VPS13B: variants seen among roughly 807,000 people sequenced by gnomAD.
The protein encoded by VPS13B is vacuolar protein sorting 13 homolog B, also known as intermembrane lipid transfer protein VPS13B.
VPS13B carries 285 observed loss-of-function variants against 426.4 expected under a neutral mutation model. The observed-to-expected ratio is 0.67, with a 90% confidence interval of 0.61 to 0.74. The LOEUF (loss-of-function observed/expected upper bound fraction) is 0.74. Among genes scored for constraint, VPS13B ranks in the 30% least tolerant of loss-of-function variants. The probability of loss-of-function intolerance (pLI) is 0.00; values close to 1 mark genes in which losing one functional copy is unlikely to be tolerated. For missense variants in VPS13B, 4,537 were observed against 4,782.6 expected (o/e 0.95, Z 1.51); for synonymous variants, 1,676 against 1,676.4 (o/e 1.00, Z 0.01).
intron 17 of VPS13B, among the ~76,000 whole-genome samples, chr8:99,259,411 A>G (rs1171549140): frequency 6.6e-6 from 1 of 152,058 alleles, no homozygotes; most frequent in Non-Finnish European, 1.5e-5. Flanking sequence ...GGTTCCCCTA[A>G]TGTTCTTTGG....
chr8:99,766,868 A>C lies in VPS13B; in HGVS notation c.7145A>C (p.Gln2382Pro), dbSNP rs780959088. 2 of 1,614,078 alleles carry C rather than the reference A, an allele frequency of 1.2e-6. No individual in the cohort carries two copies. The highest frequency in any genetic ancestry group is 1.7e-6 in the Non-Finnish European group (2 of 1,179,968). The change falls in exon 40 of 62, where the codon CAG becomes CCG. Residue 2382 changes from glutamine to proline, a missense_variant. By Grantham distance (76) the Gln-to-Pro change is moderately conservative. Transcript: ENST00000357162. ...NLSESKVCEL[Q>P]LPDINLVNDQ... The stretch of plus-strand genomic sequence containing the variant: ...TCTGAAAGCAAAGTTTGTGAACTGC[A>C]GTTGCCGGATATCAATCTCGTGAAT...
chr8:99,442,610 T>C lies in VPS13B; in HGVS notation c.3420T>C (p.Val1140=). The C allele has an allele frequency of 6.2e-7, 1 of 1,613,974 alleles. No homozygotes were observed. Among genetic ancestry groups the C allele is most frequent in the Non-Finnish European group, 8.5e-7 (1 of 1,179,872 alleles). The change falls in exon 23 of 62, where the codon GTT becomes GTC. Residue 1140 remains valine, a synonymous_variant. Transcript: ENST00000357162. ...AACCTCTGCAGGAGATTCCATTTGT[T>C]ATCCCACGACCCATCCTTGAAGAAG... The part of the protein sequence containing the change: ...YMEPLQEIPF[V]IPRPILEEGD...
Position 99,291,959 on chromosome 8 carries a change from C to T in VPS13B, c.2824+16705C>T, listed in dbSNP as rs186996622. 2.3e-3 allele frequency among the ~76,000 whole-genome samples: 348 copies of T among 152,048 alleles called. 1 individual carries two copies. Among genetic ancestry groups the T allele is most frequent in the African/African-American group, 8.1e-3 (336 of 41,468 alleles). On this transcript the variant is annotated intron_variant, in intron 19 of 61. Transcript: ENST00000357162. ...TTCCTCTACAGTATTTCAGAATATT[C>T]AGATAAGTATAATTAGGAATCATAT...
chr8:99,345,549 C>G (rs1811491767), intron 19 of VPS13B, among the ~76,000 whole-genome samples: 1 of 151,932 alleles, frequency 6.6e-6, no homozygotes, highest in Non-Finnish European at 1.5e-5. Flanking sequence ...ATTGTAAAAC[C>G]ATTGTTTGTA....
At chr8:99,620,940 T>C (rs1409686891) in intron 33 of VPS13B, among the ~76,000 whole-genome samples, 1 of 142,592 alleles carries the variant, frequency 7.0e-6, no homozygotes, top group East Asian at 2.1e-4. Flanking sequence ...GAACTGAGAC[T>C]GTGCTGCTGC....
chr8:99,589,779 G>T (rs960250466), intron 33 of VPS13B, among the ~76,000 whole-genome samples: 1 of 152,142 alleles, frequency 6.6e-6, no homozygotes, highest in Admixed American at 6.5e-5. Flanking sequence ...GTTCATCAGG[G>T]ATATTGGTCT....
intron 21 of VPS13B, among the ~76,000 whole-genome samples, chr8:99,431,269 A>G (rs111501696): frequency 1.4e-3 from 219 of 152,338 alleles, no homozygotes; most frequent in African/African-American, 5.0e-3. Context: ...ATAGAACGTT[A>G]CTATCACTTC....
At chr8:99,566,679 G>C (rs981486454) in intron 31 of VPS13B, among the ~76,000 whole-genome samples, 4 of 152,170 alleles carry the variant, frequency 2.6e-5, no homozygotes, top group Non-Finnish European at 5.9e-5. Context: ...CTGACCTCAG[G>C]TGATCCACCA....
At chr8:99,677,374 A>AT (rs1305383003) in intron 35 of VPS13B, among the ~76,000 whole-genome samples, 2 of 152,152 alleles carry the variant, frequency 1.3e-5, no homozygotes, top group Non-Finnish European at 2.9e-5. Context: ...CATTTCCTGA[A>AT]TTTTATGGGT....
intron 19 of VPS13B, among the ~76,000 whole-genome samples, chr8:99,343,658 G>A (rs1046157496): frequency 2.6e-5 from 4 of 152,046 alleles, no homozygotes; most frequent in South Asian, 2.1e-4. Context: ...CAAACTATCC[G>A]AAAAGGAAAT....
chr8:99,261,467 C>T (rs1818034933), intron 17 of VPS13B, among the ~76,000 whole-genome samples: 1 of 152,104 alleles, frequency 6.6e-6, no homozygotes, highest in Non-Finnish European at 1.5e-5. Flanking sequence ...CATTCACCTA[C>T]TAAGGGACAT....
intron 30 of VPS13B, among the ~76,000 whole-genome samples, chr8:99,542,810 A>G (rs1451196712): frequency 6.6e-6 from 1 of 152,168 alleles, no homozygotes; most frequent in African/African-American, 2.4e-5. Context: ...TAAAACAGGG[A>G]TGATAATACT....
chr8:99,638,025 A>G (rs1056026414), intron 33 of VPS13B, among the ~76,000 whole-genome samples: 2 of 152,164 alleles, frequency 1.3e-5, no homozygotes, highest in East Asian at 3.9e-4. Flanking sequence ...CACTTTTCAC[A>G]TGTTATGTGA....
chr8:99,116,857 T>C (rs1041634044), intron 7 of VPS13B, among the ~76,000 whole-genome samples: 2 of 152,224 alleles, frequency 1.3e-5, no homozygotes, highest in African/African-American at 4.8e-5. Flanking sequence ...TGCTGTTAAT[T>C]AATGAAATGT....
intron 19 of VPS13B, among the ~76,000 whole-genome samples, chr8:99,373,315 C>T (rs577061766): frequency 8.6e-5 from 13 of 150,440 alleles, no homozygotes; most frequent in South Asian, 2.1e-4. Context: ...TATCCCACAA[C>T]TTGAAGTAAA....
intron 19 of VPS13B, among the ~76,000 whole-genome samples, chr8:99,333,876 G>A (rs545203066): frequency 2.6e-5 from 4 of 152,024 alleles, no homozygotes; most frequent in East Asian, 1.9e-4. Flanking sequence ...TTTTGAAATC[G>A]TTTGTCTTGT....
intron 15 of VPS13B, among the ~76,000 whole-genome samples, chr8:99,159,797 C>T (rs1445730908): frequency 2.0e-5 from 3 of 152,052 alleles, no homozygotes; most frequent in African/African-American, 4.8e-5. Context: ...GTACTGGGAC[C>T]ACAGGTACAC....
At chr8:99,390,923 G>A (rs1188284240) in intron 20 of VPS13B, among the ~76,000 whole-genome samples, 1 of 152,116 alleles carries the variant, frequency 6.6e-6, no homozygotes, top group African/African-American at 2.4e-5. Flanking sequence ...CAGCCCTCAT[G>A]CATTCAATAG....
At chr8:99,555,692 A>G (rs1486008027) in intron 30 of VPS13B, among the ~76,000 whole-genome samples, 4 of 152,094 alleles carry the variant, frequency 2.6e-5, no homozygotes, top group African/African-American at 9.7e-5. Flanking sequence ...TTGCTATTTT[A>G]CTCTAAAACC....
Sources: gnomAD v4.1 joint callset for allele counts (sites outside exome capture counted in the v4.1 genomes callset) on GRCh38, gnomAD v4.1.1 for gene constraint, MANE v1.5 for transcripts, NCBI Gene and HGNC (gene_info 2026-07-23, HGNC 2026-07-21) for gene names.